NRCAM: variants seen among roughly 807,000 people sequenced by gnomAD.
NRCAM encodes the protein NgCAM-related cell adhesion molecule.
Under a neutral mutation model 156.5 loss-of-function variants are expected in NRCAM, and 83 were observed. That is an observed-to-expected ratio of 0.53 (90% confidence interval 0.44 to 0.64). NRCAM has a LOEUF of 0.64. Among genes scored for constraint, NRCAM ranks in the 30% least tolerant of loss-of-function variants. The pLI is 0.00. For synonymous variants in NRCAM, 538 were observed against 563.9 expected, an observed-to-expected ratio of 0.95 and a Z score of 0.65; for missense variants, 1,417 against 1,597.3, an observed-to-expected ratio of 0.89 and a Z score of 1.92.
At chr7:108,154,741 A>C (rs1488168639) in intron 32 of NRCAM, among the ~76,000 whole-genome samples, 3 of 152,152 alleles carry the variant, frequency 2.0e-5, no homozygotes. Context: ...AAATTATATA[A>C]GTCATACACA....
intron 2 of NRCAM, among the ~76,000 whole-genome samples, chr7:108,373,795 A>G (rs1298200069): frequency 2.6e-5 from 4 of 152,168 alleles, no homozygotes. Flanking sequence ...ATTTGGACTT[A>G]AGGTGATTGA....
intron 2 of NRCAM, among the ~76,000 whole-genome samples, chr7:108,397,577 C>G (rs73422168): frequency 0.058 from 8,815 of 152,148 alleles, 841 homozygotes; most frequent in African/African-American, 0.2. Flanking sequence ...GCCCTAACAC[C>G]ACCCCACTGA....
chr7:108,195,696 A>G, intron 15 of NRCAM, 65 bp downstream of exon 15: 1 of 872,680 alleles, frequency 1.1e-6, no homozygotes, highest in African/African-American at 1.7e-5. Context: ...AACCCAACAT[A>G]TTTAGAATAT....
intron 26 of NRCAM, among the ~76,000 whole-genome samples, chr7:108,177,103 A>T (rs1432783493): frequency 6.6e-6 from 1 of 152,214 alleles, no homozygotes; most frequent in Non-Finnish European, 1.5e-5. Flanking sequence ...TTCTTTAAAA[A>T]GTAAGATTTG....
At chr7:108,259,089 C>T (rs370097671) in intron 3 of NRCAM, among the ~76,000 whole-genome samples, 4 of 152,188 alleles carry the variant, frequency 2.6e-5, no homozygotes, top group Non-Finnish European at 4.4e-5. Context: ...GACAACACAG[C>T]GTGGAACATT....
intron 1 of NRCAM, among the ~76,000 whole-genome samples, chr7:108,447,588 G>T (rs1845893188): frequency 6.6e-6 from 1 of 152,000 alleles, no homozygotes; most frequent in African/African-American, 2.4e-5. Flanking sequence ...ATTTTCATAT[G>T]CTAACTTTCT....
intron 2 of NRCAM, among the ~76,000 whole-genome samples, chr7:108,351,090 T>G (rs1174050258): frequency 2.0e-5 from 3 of 152,174 alleles, no homozygotes; most frequent in African/African-American, 4.8e-5. Context: ...TAATCCCCAA[T>G]GCAACACTGC....
chr7:108,326,333 A>G (rs1009744994), intron 2 of NRCAM, among the ~76,000 whole-genome samples: 1 of 152,250 alleles, frequency 6.6e-6, no homozygotes, highest in Non-Finnish European at 1.5e-5. Context: ...TTGAATACTG[A>G]GGAAAGAACC....
intron 24 of NRCAM, among the ~76,000 whole-genome samples, 168 bp downstream of exon 24, chr7:108,181,649 TTCAAG>T (rs1037182598): frequency 1.3e-5 from 2 of 151,678 alleles, no homozygotes; most frequent in African/African-American, 4.8e-5. Context: ...GCAGTGAGAT[TTCAAG>T]TCAACTCTGG....
In NRCAM at chr7:108,207,657, C is replaced by A. The variant is rs1317312258; in HGVS notation, c.1078G>T (p.Ala360Ser). 1 of 1,607,336 alleles carries A rather than the reference C, an allele frequency of 6.2e-7. No homozygotes were observed. The highest frequency in any genetic ancestry group is 1.7e-5 in the Admixed American group (1 of 58,546). ...TGAGGGGCTGTGATCCAGTATGGAG[C>A]CGCTTTATAGGAGGAAGAAAAAAGA... ...HHTISVRVKA[A>S]PYWITAPQNL... is the part of the protein sequence containing the mutation. The change falls in exon 13 of 33, where the codon GCT (alanine) becomes TCT (serine). Residue 360 changes from alanine (A) to serine (S), a missense_variant and splice_region_variant. Ala to Ser is a moderately conservative substitution (Grantham distance 99). Transcript: ENST00000379028.
At chr7:108,233,018 AG>A (rs1192539821) in intron 6 of NRCAM, among the ~76,000 whole-genome samples, 2 of 152,178 alleles carry the variant, frequency 1.3e-5, no homozygotes, top group East Asian at 3.8e-4. Flanking sequence ...GAGGAGGTTA[AG>A]AGACATCAGT....
chr7:108,178,688 G>A (rs1431865357), intron 25 of NRCAM, among the ~76,000 whole-genome samples: 1 of 152,174 alleles, frequency 6.6e-6, no homozygotes, highest in Non-Finnish European at 1.5e-5. Context: ...GAAGGCCCGA[G>A]GGGTCTCAGG....
chr7:108,187,872 G>A (rs919281405), intron 20 of NRCAM, among the ~76,000 whole-genome samples: 2 of 151,984 alleles, frequency 1.3e-5, no homozygotes, highest in East Asian at 1.9e-4. Context: ...GGAGAATGGC[G>A]TGAACCCGGG....
rs114014556 is a variant in NRCAM at position 108,180,054 on chromosome 7, A to G, written c.2851+169T>C. ...AAGCCTTCTATGTACACTTAGGCCC[A>G]CATATGATCTGACATTTTGGTAGCT... On this transcript the variant is annotated intron_variant, in intron 25 of 32. Coordinates refer to ENST00000379028, the MANE Select transcript of NRCAM (RefSeq NM_001037132.4). Among the ~76,000 whole-genome samples the G allele has an allele frequency of 2.3e-3, 357 of 152,320 alleles. 3 individuals are homozygous for G. Among genetic ancestry groups the G allele is most frequent in the African/African-American group, 8.2e-3 (340 of 41,584 alleles).
At chr7:108,338,034 C>T (rs1024184018) in intron 2 of NRCAM, among the ~76,000 whole-genome samples, 1 of 152,176 alleles carries the variant, frequency 6.6e-6, no homozygotes, top group African/African-American at 2.4e-5. Context: ...CAACCCCCAA[C>T]CCTTCTGGGT....
At chr7:108,191,077 G>A (rs913132689) in intron 19 of NRCAM, among the ~76,000 whole-genome samples, 177 bp downstream of exon 19, 4 of 152,166 alleles carry the variant, frequency 2.6e-5, no homozygotes, top group Non-Finnish European at 5.9e-5. Flanking sequence ...AAAAATCTGT[G>A]GTTATGATGA....
At chr7:108,223,578 A>T in intron 11 of NRCAM, 147 bp downstream of exon 11, 1 of 479,038 alleles carries the variant, frequency 2.1e-6, no homozygotes, top group Non-Finnish European at 3.7e-6. Flanking sequence ...TCATATGCCT[A>T]CTTTGGAAAT....
chr7:108,158,241 G>T lies in NRCAM; in HGVS notation c.3677+1222C>A, dbSNP rs550132246. ...GACAACCCTCACTATGCATTTTTCT[G>T]TACCATGAGATACAGAAATTCTGAG... On this transcript the variant is annotated intron_variant, in intron 32 of 32. Transcript: ENST00000379028. 2.6e-4 allele frequency among the ~76,000 whole-genome samples: 40 copies of T among 152,120 alleles called. 1 individual carries two copies. The South Asian group carries it at 7.5e-3, about 28-fold the overall frequency.
At chr7:108,388,654 T>C (rs1451538946) in intron 2 of NRCAM, among the ~76,000 whole-genome samples, 2 of 152,212 alleles carry the variant, frequency 1.3e-5, no homozygotes, top group East Asian at 3.8e-4. Flanking sequence ...TCCTGAATGG[T>C]ATTGCCTAGG....
Sources: gnomAD v4.1 joint callset for allele counts (sites outside exome capture counted in the v4.1 genomes callset) on GRCh38, gnomAD v4.1.1 for gene constraint, MANE v1.5 for transcripts, NCBI Gene and HGNC (gene_info 2026-07-23, HGNC 2026-07-21) for gene names.